Variants in NCAPG2 observed in about 807,000 individuals in gnomAD.
The protein encoded by NCAPG2 is non-SMC condensin II complex subunit G2.
NCAPG2 carries 53 observed loss-of-function variants against 141.1 expected under a neutral mutation model. The ratio of observed to expected loss-of-function variants is 0.38; its 90% CI spans 0.30 to 0.47. The LOEUF is 0.47. Among genes scored for constraint, NCAPG2 ranks in the 20% least tolerant of loss-of-function variants. The pLI, the probability that NCAPG2 is intolerant of heterozygous loss-of-function variation, is 0.99. For synonymous variants in NCAPG2, 499 were observed against 490.7 expected (o/e 1.02, Z -0.22); for missense variants, 1,087 against 1,389.0 (o/e 0.78, Z 3.46).
intron 25 of NCAPG2, 41 bp from the exon 26 acceptor site, chr7:158,645,660 T>C (rs1287488061): frequency 6.5e-7 from 1 of 1,537,738 alleles, no homozygotes; most frequent in Non-Finnish European, 9.0e-7. Context: ...CTGTATCATA[T>C]AGACCCTAAT....
chr7:158,664,652 G>A lies in NCAPG2; in HGVS notation c.1578C>T (p.Phe526=), dbSNP rs778557411. 5.0e-6 allele frequency: 8 copies of A among 1,614,030 alleles called. No individual in the cohort carries two copies. The African/African-American group carries it at 1.1e-4, about 22-fold the overall frequency. ...RRLVSLIFNS[F]LPVNQPEEVW... ...CCTCCTCCGGCTGATTCACAGGCAG[G>A]AAAGAATTAAAGATGAGGCTCACCA... Residue 526 remains phenylalanine (F), a synonymous_variant, in exon 14 of 28, where the codon TTC becomes TTT. Transcript: ENST00000356309.
rs887766849 is a variant in NCAPG2 at position 158,652,224 on chromosome 7, C to A, written c.2934+69G>T. The stretch of plus-strand genomic sequence containing the variant: ...GTGAACAGCACAGCCAGGGCTGATG[C>A]ATCTGTGTAGGTGTAGCCAGCCCTG... On this transcript the variant is annotated intron_variant, in intron 23 of 27. Transcript: ENST00000356309. The A allele has an allele frequency of 8.4e-6, 12 of 1,428,990 alleles. No individual in the cohort carries two copies. In the African/African-American group the frequency reaches 1.3e-4, roughly 15 times the overall value. 88.5% of individuals were successfully genotyped at this position (1,428,990 alleles called of 1,614,324 possible).
chr7:158,669,768 CAAAAAAAA>C (rs567875836), intron 13 of NCAPG2, among the ~76,000 whole-genome samples: 869 of 53,732 alleles, frequency 0.016, 10 homozygotes, highest in African/African-American at 0.056. Flanking sequence ...GACTCTGTCT[CAAAAAAAA>C]AAAAAAAAAA....
At position 158,658,345 on chromosome 7, in the gene NCAPG2, G is replaced by A. The variant is rs1490835477; in HGVS notation, c.2053C>T (p.Pro685Ser). Residue 685 changes from proline to serine, a missense_variant, in exon 17 of 28, where the codon CCA (proline) becomes TCA (serine). Transcript: ENST00000356309. ...MSFMPASAVPPFSCGVISTLR... is the reference protein window; with the variant it reads ...MSFMPASAVPSFSCGVISTLR... ...AAAAAACAGAGCAAATACCTGAATG[G>A]GGGGACAGCAGAGGCCGGCATAAAG... 6.2e-7 allele frequency: 1 copy of A among 1,610,688 alleles called. No homozygotes were observed. The highest frequency in any genetic ancestry group is 8.5e-7 in the Non-Finnish European group (1 of 1,178,190).
At chr7:158,651,036 A>G in intron 23 of NCAPG2, 64 bp from the exon 24 acceptor site, 2 of 1,466,408 alleles carry the variant, frequency 1.4e-6, no homozygotes, top group Non-Finnish European at 1.8e-6. Flanking sequence ...AAAACAAAAA[A>G]ACACTTTAAA....
At chr7:158,678,761 T>A (rs188393790) in intron 11 of NCAPG2, among the ~76,000 whole-genome samples, 2 of 151,662 alleles carry the variant, frequency 1.3e-5, no homozygotes, top group East Asian at 3.9e-4. Context: ...TGTAGATAAA[T>A]ATACATAATG....
intron 27 of NCAPG2, 149 bp downstream of exon 27, chr7:158,644,139 CT>C: frequency 3.4e-6 from 2 of 590,784 alleles, no homozygotes; most frequent in Non-Finnish European, 5.9e-6. Context: ...AGCTAAAGGT[CT>C]TTGCCAACAG....
intron 2 of NCAPG2, among the ~76,000 whole-genome samples, chr7:158,697,860 A>G (rs1835553734): frequency 6.6e-6 from 1 of 152,218 alleles, no homozygotes; most frequent in Non-Finnish European, 1.5e-5. Context: ...CAAATACAGC[A>G]TGTTCTCACT....
At chr7:158,655,846 C>T (rs986617328) in intron 19 of NCAPG2, among the ~76,000 whole-genome samples, 2 of 121,584 alleles carry the variant, frequency 1.6e-5, no homozygotes, top group South Asian at 2.6e-4. Context: ...GAAGAGATGA[C>T]GGCCTCCGTG....
chr7:158,699,146 C>T (rs1260704173), intron 2 of NCAPG2, among the ~76,000 whole-genome samples: 1 of 152,096 alleles, frequency 6.6e-6, no homozygotes, highest in East Asian at 1.9e-4. Flanking sequence ...AGAACATAAA[C>T]CCCCATTTGT....
intron 2 of NCAPG2, 75 bp from the exon 3 acceptor site, chr7:158,693,572 G>C: frequency 2.3e-6 from 3 of 1,301,826 alleles, no homozygotes; most frequent in Non-Finnish European, 3.2e-6. Flanking sequence ...GTCATCAAAA[G>C]AAAAGTTAAG....
chr7:158,652,130 C>T (rs542648724), intron 23 of NCAPG2, among the ~76,000 whole-genome samples, 163 bp downstream of exon 23: 18 of 152,314 alleles, frequency 1.2e-4, no homozygotes, highest in Non-Finnish European at 1.9e-4. Flanking sequence ...GACTCCCACA[C>T]GGACTCCATC....
At chr7:158,662,666 A>T (rs955300979) in intron 15 of NCAPG2, among the ~76,000 whole-genome samples, 1 of 152,222 alleles carries the variant, frequency 6.6e-6, no homozygotes, top group Non-Finnish European at 1.5e-5. Flanking sequence ...ACACCCTATT[A>T]AAAAACATGC....
At chr7:158,694,845 TCTACTCTCTTTCC>T (rs1835347646) in intron 2 of NCAPG2, among the ~76,000 whole-genome samples, 1 of 152,096 alleles carries the variant, frequency 6.6e-6, no homozygotes, top group African/African-American at 2.4e-5. Context: ...TTCACTTCTA[TCTACTCTCTTTCC>T]TCGTTTCCTT....
chr7:158,700,168 A>G (rs1407170274), intron 2 of NCAPG2, among the ~76,000 whole-genome samples: 1 of 152,206 alleles, frequency 6.6e-6, no homozygotes, highest in African/African-American at 2.4e-5. Context: ...ACACATTTTC[A>G]TTTTTACACG....
intron 2 of NCAPG2, among the ~76,000 whole-genome samples, chr7:158,695,506 T>C (rs1331805180): frequency 1.3e-5 from 2 of 152,176 alleles, no homozygotes; most frequent in Non-Finnish European, 2.9e-5. Context: ...TAACAAACTA[T>C]AGCAACAAAA....
intron 8 of NCAPG2, 67 bp from the exon 9 acceptor site, chr7:158,683,453 T>C: frequency 1.7e-6 from 2 of 1,152,600 alleles, no homozygotes; most frequent in Non-Finnish European, 2.5e-6. Flanking sequence ...TGACAAGCAG[T>C]GCGGCATTTG....
At chr7:158,649,164 C>T (rs990355617) in intron 24 of NCAPG2, among the ~76,000 whole-genome samples, 9 of 151,828 alleles carry the variant, frequency 5.9e-5, no homozygotes, top group Admixed American at 5.2e-4. Context: ...TAATAGGAGT[C>T]AATTCATCAA....
rs1554553462 is a variant in NCAPG2 at position 158,653,375 on chromosome 7, A to AAT, written c.2747-896_2747-895insAT. ...GAAAGACTTGGTCTCAAAAAAAAAA[A>AAT]AATAAAAAAAAAAATAATAATAATA... On this transcript the variant is annotated intron_variant, in intron 22 of 27. Transcript: ENST00000356309. Among the ~76,000 whole-genome samples, 111 of 88,600 alleles carry AAT rather than the reference A, an allele frequency of 1.3e-3. 1 individual carries two copies. The highest frequency in any genetic ancestry group is 0.011 in the Middle Eastern group (2 of 174). 58.1% of individuals were successfully genotyped at this position (88,600 alleles called of 152,430 possible).
Sources: gnomAD v4.1 joint callset for allele counts (sites outside exome capture counted in the v4.1 genomes callset) on GRCh38, gnomAD v4.1.1 for gene constraint, MANE v1.5 for transcripts, NCBI Gene and HGNC (gene_info 2026-07-23, HGNC 2026-07-21) for gene names.